Variants in OXR1 observed in about 807,000 individuals in gnomAD.
The protein encoded by OXR1 is oxidation resistance 1.
In OXR1, 41 loss-of-function variants were observed where a neutral mutation model predicts 104.6. The ratio of observed to expected loss-of-function variants is 0.39; its 90% CI spans 0.31 to 0.51. OXR1 has a LOEUF of 0.51. Ranked by LOEUF, OXR1 falls within the 20% of genes least tolerant of loss-of-function variation. The pLI is 0.77. For missense variants in OXR1, 955 were observed against 1,031.9 expected, an observed-to-expected ratio of 0.93 and a Z score of 1.02; for synonymous variants, 348 against 348.4, an observed-to-expected ratio of 1.00 and a Z score of 0.01.
chr8:106,489,202 C>T (rs1004234989), intron 2 of OXR1, among the ~76,000 whole-genome samples: 4 of 150,932 alleles, frequency 2.7e-5, no homozygotes, highest in Non-Finnish European at 5.9e-5. Context: ...AATGGGAGTT[C>T]ACTCATGATT....
intron 3 of OXR1, among the ~76,000 whole-genome samples, chr8:106,651,887 G>C (rs930220090): frequency 6.6e-6 from 1 of 152,044 alleles, no homozygotes; most frequent in African/African-American, 2.4e-5. Flanking sequence ...TCTAGTCCAT[G>C]TATATGGGAT....
chr8:106,657,688 C>T (rs1825249793), intron 3 of OXR1: 1 of 329,196 alleles, frequency 3.0e-6, no homozygotes. Context: ...CGCATCGGTT[C>T]CAGGAAGAAT....
chr8:106,366,743 A>T (rs1489046313), intron 2 of OXR1, among the ~76,000 whole-genome samples: 1 of 152,164 alleles, frequency 6.6e-6, no homozygotes, highest in East Asian at 1.9e-4. Flanking sequence ...TACTGAGAAG[A>T]AAGTGGGTGT....
intron 3 of OXR1, among the ~76,000 whole-genome samples, chr8:106,620,419 A>G (rs1312947979): frequency 1.3e-5 from 2 of 152,128 alleles, no homozygotes; most frequent in East Asian, 1.9e-4. Context: ...TGTGACTTGT[A>G]TAATATGTTA....
At chr8:106,338,626 T>TA (rs977525845) in intron 1 of OXR1, among the ~76,000 whole-genome samples, 5 of 151,960 alleles carry the variant, frequency 3.3e-5, no homozygotes, top group South Asian at 2.1e-4. Flanking sequence ...TCCCACTTTT[T>TA]AAAAAAACCA....
chr8:106,346,170 A>C (rs55959043), intron 1 of OXR1, among the ~76,000 whole-genome samples: 54,382 of 151,348 alleles, frequency 0.36, 10,140 homozygotes, highest in Admixed American at 0.44. Flanking sequence ...CAGTAATATA[A>C]ATTTTCTTGA....
chr8:106,679,808 G>C (rs143411971), intron 4 of OXR1, among the ~76,000 whole-genome samples: 2 of 150,794 alleles, frequency 1.3e-5, no homozygotes, highest in South Asian at 2.1e-4. Context: ...TCTTCCTGCA[G>C]TCAGCTGGCT....
At chr8:106,731,530 A>C (rs1833894113) in intron 11 of OXR1, among the ~76,000 whole-genome samples, 1 of 152,136 alleles carries the variant, frequency 6.6e-6, no homozygotes, top group South Asian at 2.1e-4. Flanking sequence ...GCTATTTTCT[A>C]GGAGATCCAT....
chr8:106,583,433 C>A (rs1439318686), intron 3 of OXR1, among the ~76,000 whole-genome samples: 1 of 152,142 alleles, frequency 6.6e-6, no homozygotes, highest in Non-Finnish European at 1.5e-5. Flanking sequence ...AAATTAGATT[C>A]TCCTAAGCAT....
At chr8:106,334,720 T>C (rs922316441) in intron 1 of OXR1, among the ~76,000 whole-genome samples, 2 of 152,216 alleles carry the variant, frequency 1.3e-5, no homozygotes, top group Non-Finnish European at 2.9e-5. Flanking sequence ...CCCCTTCTCC[T>C]GCCATTCTTG....
chr8:106,739,328 A>G, intron 12 of OXR1, 130 bp from the exon 13 acceptor site: 1 of 774,336 alleles, frequency 1.3e-6, no homozygotes, highest in Non-Finnish European at 2.1e-6. Context: ...CTTTTGCCCT[A>G]TAAAATCTTA....
rs1160471855 is a variant in OXR1, at chr8:106,684,107, G to A, written c.412-139G>A. 11 of 541,582 alleles carry A rather than the reference G, an allele frequency of 2.0e-5. No homozygotes were observed. In the East Asian group the frequency reaches 3.3e-4, roughly 16 times the overall value. The allele number at this position is 541,582 out of a possible 1,614,324, so 33.5% of individuals were successfully genotyped here. A position where few individuals can be genotyped will look rare whatever the true frequency, so the allele number is the denominator to read the frequency against. The stretch of plus-strand genomic sequence containing the variant: ...ATTTTAAAGGTTCTTTTTTAAAAAT[G>A]TTTTTATATTCTTATAATTTGAAAA... On this transcript the variant is annotated intron_variant, in intron 5 of 16. Transcript: ENST00000517566.
chr8:106,726,143 G>T, intron 11 of OXR1: 1 of 1,442,786 alleles, frequency 6.9e-7, no homozygotes, highest in East Asian at 2.7e-5. Flanking sequence ...TGTCACTGTA[G>T]TAAGGCTCTA....
At chr8:106,526,649 T>TCCCCTGCCTCAGC (rs746418675) in intron 3 of OXR1, among the ~76,000 whole-genome samples, 115 of 152,294 alleles carry the variant, frequency 7.6e-4, no homozygotes, top group Middle Eastern at 3.4e-3. Context: ...TTCACGCCAT[T>TCCCCTGCCTCAGC]CTCCTGCCTC....
At chr8:106,616,237 TTTTTTTG>T in intron 3 of OXR1, among the ~76,000 whole-genome samples, 1 of 142,352 alleles carries the variant, frequency 7.0e-6, no homozygotes, top group African/African-American at 2.6e-5. Context: ...TTTTTTTTTT[TTTTTTTG>T]TAGAGACAGG....
chr8:106,544,731 T>C (rs1255482626), intron 3 of OXR1, among the ~76,000 whole-genome samples: 1 of 152,246 alleles, frequency 6.6e-6, no homozygotes, highest in Admixed American at 6.5e-5. Flanking sequence ...GTTGGAACAA[T>C]TTGTAAAGTT....
chr8:106,645,829 T>G (rs1824028535), intron 3 of OXR1, among the ~76,000 whole-genome samples: 2 of 152,178 alleles, frequency 1.3e-5, no homozygotes, highest in African/African-American at 4.8e-5. Context: ...TCATGCATCA[T>G]GGCTGAAACA....
intron 16 of OXR1, among the ~76,000 whole-genome samples, chr8:106,746,196 A>G (rs553186091): frequency 1.1e-5 from 1 of 89,132 alleles, no homozygotes; most frequent in East Asian, 3.6e-4. Flanking sequence ...AATAACTGTG[A>G]TGGAATATTT....
At chr8:106,280,482 T>C (rs1177870184) in intron 1 of OXR1, among the ~76,000 whole-genome samples, 1 of 152,134 alleles carries the variant, frequency 6.6e-6, no homozygotes, top group Non-Finnish European at 1.5e-5. Context: ...ACACCACCAG[T>C]CTCCATCTTC....
Sources: allele counts gnomAD v4.1 joint callset (sites outside exome capture counted in the v4.1 genomes callset), GRCh38; gene constraint gnomAD v4.1.1; transcripts MANE v1.5; gene names NCBI Gene and HGNC (gene_info 2026-07-23, HGNC 2026-07-21).